The following CNTNAP4 variants were observed in gnomAD, a reference collection of about 807,000 sequenced individuals.
CNTNAP4 encodes the protein contactin associated protein family member 4, also known as contactin-associated protein-like 4.
A neutral mutation model predicts 148.4 loss-of-function variants in CNTNAP4; 98 were observed. The ratio of observed to expected loss-of-function variants is 0.66; its 90% CI spans 0.56 to 0.78. The LOEUF (loss-of-function observed/expected upper bound fraction) is 0.78. CNTNAP4 is among the 30% of genes least tolerant of loss of function. The pLI, the probability that CNTNAP4 is intolerant of heterozygous loss-of-function variation, is 0.00. For missense variants in CNTNAP4, 1,935 were observed against 1,565.6 expected, an observed-to-expected ratio of 1.24 and a Z score of -3.98; for synonymous variants, 730 against 565.1, an observed-to-expected ratio of 1.29 and a Z score of -4.14.
chr16:76,500,986 A>C (rs918931520), intron 15 of CNTNAP4, among the ~76,000 whole-genome samples: 1 of 152,218 alleles, frequency 6.6e-6, no homozygotes, highest in Non-Finnish European at 1.5e-5. Context: ...GGGGCACAAC[A>C]GAATAAGAGG....
chr16:76,376,190 C>CAA (rs200676851), intron 3 of CNTNAP4, among the ~76,000 whole-genome samples: 6 of 151,302 alleles, frequency 4.0e-5, no homozygotes, highest in East Asian at 1.9e-4. Context: ...CAATTAAATG[C>CAA]AAAAAAAATA....
At position 76,374,637 on chromosome 16, in the gene CNTNAP4, T is replaced by C. The variant is rs1389109910; in HGVS notation, c.390+19126T>C. ...TTTATGTACACACAAACATTGAATT[T>C]CCGTGTACATTACTCTCACTTTCTT... On this transcript the variant is annotated intron_variant, in intron 3 of 23. Transcript: ENST00000611870. Among the ~76,000 whole-genome samples, 8 of 151,932 alleles carry C rather than the reference T, an allele frequency of 5.3e-5. No homozygotes were observed. The South Asian group carries it at 6.2e-4, about 12-fold the overall frequency.
At chr16:76,396,891 T>C (rs570056658) in intron 3 of CNTNAP4, among the ~76,000 whole-genome samples, 1 of 152,104 alleles carries the variant, frequency 6.6e-6, no homozygotes, top group South Asian at 2.1e-4. Flanking sequence ...AAGCTATTTA[T>C]CACAAGAATA....
intron 1 of CNTNAP4, among the ~76,000 whole-genome samples, chr16:76,279,692 G>A (rs979427489): frequency 2.0e-5 from 3 of 152,308 alleles, no homozygotes; most frequent in Admixed American, 6.5e-5. Flanking sequence ...TGCATGTGGA[G>A]TTGACTGTTC....
intron 3 of CNTNAP4, among the ~76,000 whole-genome samples, chr16:76,402,753 C>G (rs2078461816): frequency 6.6e-6 from 1 of 152,094 alleles, no homozygotes; most frequent in Non-Finnish European, 1.5e-5. Context: ...TCTTTGTTCT[C>G]ATTAGTTTCA....
intron 21 of CNTNAP4, among the ~76,000 whole-genome samples, chr16:76,547,887 A>C (rs1235179237): frequency 1.3e-5 from 2 of 152,248 alleles, no homozygotes; most frequent in Non-Finnish European, 2.9e-5. Flanking sequence ...TTCCATCTCA[A>C]GGATATTTTA....
chr16:76,324,730 C>T (rs1176153006), intron 2 of CNTNAP4, among the ~76,000 whole-genome samples: 1 of 152,128 alleles, frequency 6.6e-6, no homozygotes, highest in Non-Finnish European at 1.5e-5. Context: ...TGCTGGCTTA[C>T]TGATAGCTCT....
chr16:76,391,857 T>A (rs1378140285), intron 3 of CNTNAP4, among the ~76,000 whole-genome samples: 2 of 152,222 alleles, frequency 1.3e-5, no homozygotes, highest in Non-Finnish European at 2.9e-5. Flanking sequence ...TGCATTTTAA[T>A]ACGATCCCTG....
At chr16:76,415,742 A>T (rs1168371896) in intron 3 of CNTNAP4, among the ~76,000 whole-genome samples, 1 of 151,118 alleles carries the variant, frequency 6.6e-6, no homozygotes, top group East Asian at 1.9e-4. Flanking sequence ...GGAAATAATC[A>T]GCTTTCTGTC....
At chr16:76,295,336 T>C (rs1959209894) in intron 1 of CNTNAP4, among the ~76,000 whole-genome samples, 4 of 152,224 alleles carry the variant, frequency 2.6e-5, no homozygotes, top group Admixed American at 1.3e-4. Flanking sequence ...TCATGAGGAA[T>C]CCTGTAGGTA....
In CNTNAP4 at chr16:76,522,706, CTTTTCTT is replaced by C. The variant is rs1568497539; in HGVS notation, c.2755+452_2755+458del. On this transcript the variant is annotated intron_variant, in intron 17 of 23. Coordinates refer to ENST00000611870, the MANE Select transcript of CNTNAP4 (RefSeq NM_033401.5). ...TCTCTCCTTTCTTTTCTTTTCTTTT[CTTTTCTT>C]TTCTTTTCTTTTCTTTTCTTTTCTT... is the stretch of plus-strand genomic sequence containing the variant. Among the ~76,000 whole-genome samples the C allele has an allele frequency of 1.4e-3, 27 of 18,642 alleles. 3 individuals carry two copies. The highest frequency in any genetic ancestry group is 4.6e-3 in the African/African-American group (14 of 3,050). 12.2% of individuals were successfully genotyped at this position (18,642 alleles called of 152,430 possible). A position where few individuals can be genotyped will look rare whatever the true frequency, so the allele number is the denominator to read the frequency against.
At chr16:76,330,786 A>G (rs988881820) in intron 2 of CNTNAP4, among the ~76,000 whole-genome samples, 3 of 152,260 alleles carry the variant, frequency 2.0e-5, no homozygotes, top group Non-Finnish European at 2.9e-5. Context: ...ACTGATGCAG[A>G]AAAGCATAAG....
Position 76,522,142 on chromosome 16 carries a change from G to A in CNTNAP4, c.2640G>A (p.Arg880=). The change falls in exon 17 of 24, where the codon AGG becomes AGA. Residue 880 remains arginine (R), a synonymous_variant. Transcript: ENST00000611870. ...ACGACAACCAGTGGCACCATGTGAG[G>A]GTTGAAAGGAACATGAAGGAGGCCT... The part of the protein sequence containing the change: ...HFNDNQWHHV[R]VERNMKEASL... The A allele has an allele frequency of 6.2e-7, 1 of 1,613,996 alleles. No individual in the cohort carries two copies. The highest frequency in any genetic ancestry group is 8.5e-7 in the Non-Finnish European group (1 of 1,179,892).
chr16:76,408,232 G>A (rs964781415), intron 3 of CNTNAP4, among the ~76,000 whole-genome samples: 2 of 151,192 alleles, frequency 1.3e-5, no homozygotes, highest in East Asian at 2.0e-4. Flanking sequence ...GTCTGGAACC[G>A]AATCCACAGT....
chr16:76,429,355 T>C (rs139780917), intron 4 of CNTNAP4, among the ~76,000 whole-genome samples: 1 of 152,208 alleles, frequency 6.6e-6, no homozygotes, highest in Non-Finnish European at 1.5e-5. Flanking sequence ...TATTCTCCAC[T>C]TATTCAGAAC....
chr16:76,401,723 C>A (rs1313211716), intron 3 of CNTNAP4, among the ~76,000 whole-genome samples: 1 of 152,000 alleles, frequency 6.6e-6, no homozygotes, highest in Non-Finnish European at 1.5e-5. Context: ...CCTTCAATAC[C>A]TAGTTTATTG....
chr16:76,430,484 T>C (rs753875714), intron 4 of CNTNAP4, among the ~76,000 whole-genome samples: 1 of 152,130 alleles, frequency 6.6e-6, no homozygotes, highest in Non-Finnish European at 1.5e-5. Flanking sequence ...CAAGATCAGA[T>C]TGGATTTTCC....
intron 21 of CNTNAP4, among the ~76,000 whole-genome samples, chr16:76,542,969 G>T (rs1298221967): frequency 2.6e-5 from 4 of 152,172 alleles, no homozygotes; most frequent in African/African-American, 9.6e-5. Context: ...CTATAAGGAG[G>T]ATTGTATTAA....
At chr16:76,439,690 A>T (rs1325998586) in intron 4 of CNTNAP4, among the ~76,000 whole-genome samples, 2 of 152,076 alleles carry the variant, frequency 1.3e-5, no homozygotes, top group Admixed American at 6.6e-5. Flanking sequence ...ACTGACCTTA[A>T]CTTGGTCTAT....
Sources: allele counts gnomAD v4.1 joint callset (sites outside exome capture counted in the v4.1 genomes callset), GRCh38; gene constraint gnomAD v4.1.1; transcripts MANE v1.5; gene names NCBI Gene and HGNC (gene_info 2026-07-23, HGNC 2026-07-21).